Variants in ANKRD30B observed in about 807,000 individuals in gnomAD.
ANKRD30B encodes ankyrin repeat domain-containing protein 30B.
Under a neutral mutation model 202.2 loss-of-function variants are expected in ANKRD30B, and 144 were observed. The ratio of observed to expected loss-of-function variants is 0.71; its 90% CI spans 0.62 to 0.82. The LOEUF is 0.82. Among genes scored for constraint, ANKRD30B ranks in the 40% least tolerant of loss-of-function variants. ANKRD30B has a pLI of 0.00. For synonymous variants in ANKRD30B, 508 were observed against 561.3 expected, an observed-to-expected ratio of 0.91 and a Z score of 1.34; for missense variants, 1,487 against 1,669.1, an observed-to-expected ratio of 0.89 and a Z score of 1.90.
chr18:14,819,678 T>C (rs947281903), intron 30 of ANKRD30B, among the ~76,000 whole-genome samples: 1 of 151,956 alleles, frequency 6.6e-6, no homozygotes, highest in Non-Finnish European at 1.5e-5. Flanking sequence ...GTTGTAGATA[T>C]GTGGCGTTAT....
chr18:14,853,078 C>A (rs1482918687), intron 42 of ANKRD30B, among the ~76,000 whole-genome samples: 8 of 151,860 alleles, frequency 5.3e-5, no homozygotes, highest in African/African-American at 1.7e-4. Context: ...TGGATTTTAG[C>A]AATATCAAAT....
the ANKRD30B span, among the ~76,000 whole-genome samples, chr18:14,915,979 G>T: frequency 1.3e-5 from 2 of 152,256 alleles, no homozygotes; most frequent in Non-Finnish European, 2.9e-5. Context: ...GGAAGAACGT[G>T]TGAAGGTTAT....
intron 15 of ANKRD30B, among the ~76,000 whole-genome samples, chr18:14,789,183 A>C (rs1568012239): frequency 6.6e-6 from 1 of 152,184 alleles, no homozygotes; most frequent in African/African-American, 2.4e-5. Context: ...TTGGATGCAT[A>C]AATGTCTTCT....
intron 9 of ANKRD30B, among the ~76,000 whole-genome samples, chr18:14,772,944 T>G (rs1197709331): frequency 3.3e-5 from 5 of 152,082 alleles, no homozygotes; most frequent in African/African-American, 1.2e-4. Flanking sequence ...AGCGAGACCT[T>G]ATCACTAATT....
At position 14,803,751 on chromosome 18, in the gene ANKRD30B, CT is replaced by C; in HGVS notation, c.2213del (p.Leu738TyrfsTer19). 1.2e-6 allele frequency: 2 copies of C among 1,604,832 alleles called. 1 individual carries two copies. The highest frequency in any genetic ancestry group is 2.2e-5 in the South Asian group (2 of 90,356). On this transcript the variant is annotated frameshift_variant, in exon 24 of 44. Transcript: ENST00000690538. LOFTEE classifies it high-confidence loss of function. ...TTTAACAGAGTTTCCTTGAGACTCT[CT>C]TACAGAATGATGTGTGTTTACCCAA... ...WDFESFLETLLQNDVCLPKAT... is the reference protein window; with the variant it reads ...WDFESFLETLXQNDVCLPKAT...
chr18:14,908,359 TG>T, the ANKRD30B span, among the ~76,000 whole-genome samples: 1 of 152,214 alleles, frequency 6.6e-6, no homozygotes, highest in Non-Finnish European at 1.5e-5. Context: ...AAATGACAGC[TG>T]TGCGGGACTC....
chr18:14,870,689 A>G, the ANKRD30B span, among the ~76,000 whole-genome samples: 1 of 152,230 alleles, frequency 6.6e-6, no homozygotes, highest in East Asian at 1.9e-4. Flanking sequence ...CAGGCAAGCC[A>G]GGGTTACAGC....
chr18:14,878,895 G>A, the ANKRD30B span, among the ~76,000 whole-genome samples: 3 of 152,154 alleles, frequency 2.0e-5, no homozygotes, highest in African/African-American at 2.4e-5. Flanking sequence ...AGGCAGGAGG[G>A]GCTGCCATTC....
chr18:14,790,039 ATTTG>A (rs1968362266), intron 15 of ANKRD30B, among the ~76,000 whole-genome samples: 1 of 152,098 alleles, frequency 6.6e-6, no homozygotes, highest in African/African-American at 2.4e-5. Context: ...ATGTTCTTCC[ATTTG>A]TTTGTATCCT....
the ANKRD30B span, among the ~76,000 whole-genome samples, chr18:14,937,496 C>T: frequency 3.9e-5 from 6 of 152,230 alleles, no homozygotes; most frequent in Admixed American, 2.6e-4. Flanking sequence ...ACAAGCCACT[C>T]CAGCCTCTGA....
At chr18:14,880,936 GT>G in the ANKRD30B span, among the ~76,000 whole-genome samples, 2 of 152,136 alleles carry the variant, frequency 1.3e-5, no homozygotes, top group African/African-American at 4.8e-5. Flanking sequence ...CATTAATCTT[GT>G]ATCTGGAAAC....
intron 22 of ANKRD30B, among the ~76,000 whole-genome samples, chr18:14,799,696 T>G (rs1327029628): frequency 1.6e-4 from 24 of 152,110 alleles, no homozygotes; most frequent in South Asian, 6.2e-4. Context: ...ATTGTCACTC[T>G]GAGAATCTAA....
chr18:14,779,920 G>A lies in ANKRD30B; in HGVS notation c.1421-40G>A, dbSNP rs762403126. 3 of 1,219,258 alleles carry A rather than the reference G, an allele frequency of 2.5e-6. No homozygotes were observed. In the African/African-American group the frequency reaches 4.9e-5, roughly 20 times the overall value. The allele number at this position is 1,219,258 out of a possible 1,614,324, so 75.5% of individuals were successfully genotyped here. A position where few individuals can be genotyped will look rare whatever the true frequency, so the allele number is the denominator to read the frequency against. Reference sequence around the variant, plus strand: ...TATATGTTTTTAAAATTTATAATAAGGAATGCTCTCATGAATGTATCTGTG... The same window carrying A: ...TATATGTTTTTAAAATTTATAATAAAGAATGCTCTCATGAATGTATCTGTG... On this transcript the variant is annotated intron_variant, in intron 10 of 43. Transcript: ENST00000690538.
chr18:14,795,721 T>A (rs1382470906), intron 16 of ANKRD30B, among the ~76,000 whole-genome samples: 1 of 152,210 alleles, frequency 6.6e-6, no homozygotes, highest in African/African-American at 2.4e-5. Context: ...TGAATTCTCA[T>A]CGCAGCTTTG....
At chr18:14,797,593 T>C (rs921944786) in intron 18 of ANKRD30B, 68 bp from the exon 19 acceptor site, 69 of 1,476,084 alleles carry the variant, frequency 4.7e-5, no homozygotes, top group Admixed American at 1.4e-4. Flanking sequence ...ATATTCACAC[T>C]GTATGAACGT....
At chr18:14,769,655 C>G (rs779306571) in intron 8 of ANKRD30B, among the ~76,000 whole-genome samples, 1 of 152,112 alleles carries the variant, frequency 6.6e-6, no homozygotes, top group Non-Finnish European at 1.5e-5. Context: ...TACTTTGGTC[C>G]CTAATCCCTT....
chr18:14,860,314 C>T, the ANKRD30B span, among the ~76,000 whole-genome samples: 7 of 134,126 alleles, frequency 5.2e-5, no homozygotes, highest in African/African-American at 1.4e-4. Context: ...CCAGACGGGG[C>T]AGCCAGGCAG....
the ANKRD30B span, among the ~76,000 whole-genome samples, chr18:14,909,573 T>C: frequency 2.4e-4 from 37 of 151,926 alleles, no homozygotes; most frequent in African/African-American, 8.7e-4. Flanking sequence ...ATTCTAGCTA[T>C]TTTTTTGTAT....
intron 34 of ANKRD30B, among the ~76,000 whole-genome samples, chr18:14,836,061 T>G (rs1213810745): frequency 6.6e-6 from 1 of 152,078 alleles, no homozygotes; most frequent in Non-Finnish European, 1.5e-5. Context: ...GATTTCATTT[T>G]CAAAATTTCA....
Sources: gnomAD v4.1 joint callset for allele counts (sites outside exome capture counted in the v4.1 genomes callset) on GRCh38, gnomAD v4.1.1 for gene constraint, MANE v1.5 for transcripts, NCBI Gene and HGNC (gene_info 2026-07-23, HGNC 2026-07-21) for gene names.